Variants in PCCA observed in about 807,000 individuals in gnomAD.
PCCA encodes the protein propionyl-CoA carboxylase subunit alpha, also known as propionyl-CoA carboxylase alpha chain, mitochondrial.
PCCA carries 74 observed loss-of-function variants against 101.3 expected under a neutral mutation model. That is an observed-to-expected ratio of 0.73 (90% CI 0.61 to 0.89). PCCA has a LOEUF of 0.89. PCCA is among the 40% of genes least tolerant of loss of function. PCCA has a pLI of 0.00. For synonymous variants in PCCA, 294 were observed against 313.6 expected (o/e 0.94, Z 0.66); for missense variants, 891 against 907.0 (o/e 0.98, Z 0.23).
At position 100,179,091 on chromosome 13, in the gene PCCA, A is replaced by AAT. The variant is rs565171827; in HGVS notation, c.468+21768_468+21769dup. 5.8e-4 allele frequency among the ~76,000 whole-genome samples: 64 copies of AAT among 110,502 alleles called. 2 individuals carry two copies. The highest frequency in any genetic ancestry group is 7.2e-4 in the Non-Finnish European group (42 of 58,132). The allele number at this position is 110,502 out of a possible 152,430, so 72.5% of individuals were successfully genotyped here. A position where few individuals can be genotyped will look rare whatever the true frequency, so the allele number is the denominator to read the frequency against. On this transcript the variant is annotated intron_variant, in intron 6 of 23. Transcript: ENST00000376285. ...GACTCCTTCTCAAAAAAAAAAAAAA[A>AAT]ATATATATATATATATATTTGTGCT... is the stretch of plus-strand genomic sequence containing the variant.
At chr13:100,358,503 A>G (rs2074184155) in intron 18 of PCCA, among the ~76,000 whole-genome samples, 1 of 152,238 alleles carries the variant, frequency 6.6e-6, no homozygotes, top group Non-Finnish European at 1.5e-5. Context: ...CAGCATAGAA[A>G]TGGAAATTAA....
intron 6 of PCCA, among the ~76,000 whole-genome samples, chr13:100,162,111 T>C (rs1222141251): frequency 6.7e-6 from 1 of 148,958 alleles, no homozygotes. Flanking sequence ...TGTGTGTGTG[T>C]CTGTCTGTCT....
chr13:100,340,322 A>G, intron 18 of PCCA, 63 bp downstream of exon 18: 1 of 856,798 alleles, frequency 1.2e-6, no homozygotes, highest in South Asian at 1.3e-5. Context: ...CAGTCTACAT[A>G]GGAAATACTA....
At chr13:100,355,581 C>CA (rs2073881668) in intron 18 of PCCA, among the ~76,000 whole-genome samples, 1 of 152,000 alleles carries the variant, frequency 6.6e-6, no homozygotes, top group African/African-American at 2.4e-5. Context: ...AAAAAATATA[C>CA]AATACTTAAA....
At chr13:100,475,569 G>C (rs901330995) in intron 21 of PCCA, among the ~76,000 whole-genome samples, 3 of 152,174 alleles carry the variant, frequency 2.0e-5, no homozygotes, top group Admixed American at 6.5e-5. Context: ...GTTGGTTCCT[G>C]TCTTTTCGGC....
chr13:100,307,959 A>G (rs1244431790), intron 15 of PCCA, among the ~76,000 whole-genome samples: 1 of 152,122 alleles, frequency 6.6e-6, no homozygotes, highest in Non-Finnish European at 1.5e-5. Context: ...CCCAGGTTCA[A>G]GCGATTCTCC....
chr13:100,516,779 G>A (rs1841604748), intron 22 of PCCA, among the ~76,000 whole-genome samples: 1 of 140,994 alleles, frequency 7.1e-6, no homozygotes, highest in African/African-American at 2.7e-5. Context: ...TAAAATTCAG[G>A]GGAGGACATC....
At chr13:100,305,489 G>A (rs1024804358) in intron 14 of PCCA, among the ~76,000 whole-genome samples, 1 of 152,210 alleles carries the variant, frequency 6.6e-6, no homozygotes, top group Non-Finnish European at 1.5e-5. Flanking sequence ...ATAGGATGTA[G>A]TTAAAGTCAG....
At position 100,397,500 on chromosome 13, in the gene PCCA, C is replaced by T. The variant is rs1327530323; in HGVS notation, c.1747-28133C>T. Among the ~76,000 whole-genome samples, 4 of 152,072 alleles carry T rather than the reference C, an allele frequency of 2.6e-5. No individual in the cohort carries two copies. The East Asian group carries it at 5.8e-4, about 22-fold the overall frequency. On this transcript the variant is annotated intron_variant, in intron 19 of 23. Transcript: ENST00000376285. ...GATGTTTATAGTTGGGGAAAAAAACCCAAAGAGCGTTCATAATCTGGATAT... is the reference window on the plus strand; with the variant it reads ...GATGTTTATAGTTGGGGAAAAAAACTCAAAGAGCGTTCATAATCTGGATAT...
At chr13:100,476,440 G>T (rs960006535) in intron 21 of PCCA, among the ~76,000 whole-genome samples, 1 of 152,148 alleles carries the variant, frequency 6.6e-6, no homozygotes, top group African/African-American at 2.4e-5. Context: ...AACTGACACT[G>T]TATTTAATTA....
At chr13:100,421,961 A>G (rs2078792851) in intron 19 of PCCA, among the ~76,000 whole-genome samples, 1 of 152,142 alleles carries the variant, frequency 6.6e-6, no homozygotes, top group South Asian at 2.1e-4. Flanking sequence ...CTGGGATTAC[A>G]GGCGTGAGCC....
chr13:100,292,480 A>G (rs572473887), intron 12 of PCCA, among the ~76,000 whole-genome samples: 2 of 152,368 alleles, frequency 1.3e-5, no homozygotes, highest in East Asian at 3.9e-4. Context: ...AATTCAAAAT[A>G]GTACCTGGTT....
At chr13:100,527,329 A>G (rs1447387481) in intron 22 of PCCA, 1 of 479,482 alleles carries the variant, frequency 2.1e-6, no homozygotes, top group Non-Finnish European at 4.3e-6. Flanking sequence ...AGATCTGCCT[A>G]TTCTGGACAT....
intron 4 of PCCA, among the ~76,000 whole-genome samples, chr13:100,137,023 T>C (rs2051262700): frequency 1.3e-5 from 2 of 151,978 alleles, no homozygotes; most frequent in African/African-American, 2.4e-5. Context: ...TATAATTTTC[T>C]CTCTAAGCAC....
intron 4 of PCCA, among the ~76,000 whole-genome samples, chr13:100,112,397 C>T (rs1023926969): frequency 1.3e-5 from 2 of 152,162 alleles, no homozygotes; most frequent in East Asian, 1.9e-4. Flanking sequence ...TTTCCCCCAG[C>T]ATAGCTTCAG....
chr13:100,411,933 A>C (rs762732103), intron 19 of PCCA, among the ~76,000 whole-genome samples: 1 of 152,230 alleles, frequency 6.6e-6, no homozygotes, highest in Non-Finnish European at 1.5e-5. Flanking sequence ...TCCATAGCAC[A>C]AGGAAAATCA....
At chr13:100,339,384 C>T (rs2070976463) in intron 17 of PCCA, among the ~76,000 whole-genome samples, 1 of 152,182 alleles carries the variant, frequency 6.6e-6, no homozygotes, top group South Asian at 2.1e-4. Flanking sequence ...TAATACTCTA[C>T]TATCTATATG....
chr13:100,144,350 C>T (rs1180240661), intron 4 of PCCA, among the ~76,000 whole-genome samples: 1 of 152,106 alleles, frequency 6.6e-6, no homozygotes, highest in African/African-American at 2.4e-5. Context: ...AATCTGAGCC[C>T]AGAAAGCCAG....
chr13:100,090,257 G>A (rs2046158528), intron 1 of PCCA, among the ~76,000 whole-genome samples: 1 of 152,206 alleles, frequency 6.6e-6, no homozygotes, highest in Admixed American at 6.5e-5. Flanking sequence ...GGAGCTTATC[G>A]ACATGGAAGT....
Sources: gnomAD v4.1 joint callset for allele counts (sites outside exome capture counted in the v4.1 genomes callset) on GRCh38, gnomAD v4.1.1 for gene constraint, MANE v1.5 for transcripts, NCBI Gene and HGNC (gene_info 2026-07-23, HGNC 2026-07-21) for gene names.